The following RANBP17 variants were observed in gnomAD, a reference collection of about 807,000 sequenced individuals.
RANBP17 encodes the protein RAN binding protein 17.
A neutral mutation model predicts 141.2 loss-of-function variants in RANBP17; 158 were observed. The ratio of observed to expected loss-of-function variants is 1.12; its 90% CI spans 0.98 to 1.28. RANBP17 has a LOEUF of 1.28. Among genes scored for constraint, RANBP17 ranks in the 50% most tolerant of loss-of-function variants. The pLI, the probability that RANBP17 is intolerant of heterozygous loss-of-function variation, is 0.00. For synonymous variants in RANBP17, 430 were observed against 450.0 expected, an observed-to-expected ratio of 0.96 and a Z score of 0.56; for missense variants, 1,438 against 1,290.7, an observed-to-expected ratio of 1.11 and a Z score of -1.75.
At chr5:170,924,236 C>T in intron 11 of RANBP17, 121 bp from the exon 12 acceptor site, 2 of 625,190 alleles carry the variant, frequency 3.2e-6, no homozygotes, top group South Asian at 7.1e-5. Flanking sequence ...CCCAAGTGAA[C>T]CTCCTGCCTC....
At chr5:170,869,424 G>A (rs1241520031) in intron 1 of RANBP17, among the ~76,000 whole-genome samples, 1 of 151,430 alleles carries the variant, frequency 6.6e-6, no homozygotes, top group African/African-American at 2.4e-5. Context: ...TGAGTAGCTG[G>A]GATTACAGGC....
intron 14 of RANBP17, among the ~76,000 whole-genome samples, chr5:171,116,276 A>ATT (rs57099196): frequency 6.8e-6 from 1 of 147,840 alleles, no homozygotes; most frequent in African/African-American, 2.5e-5. Context: ...AGATACTGTG[A>ATT]TTTTTTTTTT....
At chr5:170,974,051 T>A (rs1027143283) in intron 14 of RANBP17, among the ~76,000 whole-genome samples, 1 of 152,202 alleles carries the variant, frequency 6.6e-6, no homozygotes, top group Non-Finnish European at 1.5e-5. Context: ...TGCATGTCCT[T>A]CTCATATGCA....
chr5:171,105,298 C>T (rs972300799), intron 14 of RANBP17, among the ~76,000 whole-genome samples: 8 of 138,220 alleles, frequency 5.8e-5, no homozygotes, highest in East Asian at 2.2e-4. Flanking sequence ...AGGAGAATGG[C>T]GTGAACCCGG....
intron 12 of RANBP17, among the ~76,000 whole-genome samples, chr5:170,933,251 T>G (rs191931096): frequency 1.3e-5 from 2 of 152,142 alleles, no homozygotes; most frequent in East Asian, 1.9e-4. Context: ...TGGGATCAGT[T>G]GTGATATCCC....
chr5:171,195,779 G>A lies in RANBP17; in HGVS notation c.2039-3891G>A, dbSNP rs138766079. Among the ~76,000 whole-genome samples the A allele has an allele frequency of 1.7e-3, 266 of 152,286 alleles. 1 individual carries two copies. Among genetic ancestry groups the A allele is most frequent in the African/African-American group, 5.6e-3 (234 of 41,572 alleles). On this transcript the variant is annotated intron_variant, in intron 18 of 27. Coordinates refer to ENST00000523189, the MANE Select transcript of RANBP17 (RefSeq NM_022897.5). ...TTACCAGCTGGAGGATGTTGGGCAG[G>A]CTATCTAATTCCTTTGAGTCTCTCT...
chr5:171,063,949 C>T (rs1312296082), intron 14 of RANBP17, among the ~76,000 whole-genome samples: 5 of 152,342 alleles, frequency 3.3e-5, no homozygotes, highest in Non-Finnish European at 5.9e-5. Context: ...ACTCCGTGGG[C>T]GTAGGACCCT....
At chr5:171,109,087 A>T (rs560994343) in intron 14 of RANBP17, among the ~76,000 whole-genome samples, 1 of 152,324 alleles carries the variant, frequency 6.6e-6, no homozygotes, top group Non-Finnish European at 1.5e-5. Flanking sequence ...GTGATAATGC[A>T]TGGCTGTGTG....
intron 14 of RANBP17, among the ~76,000 whole-genome samples, chr5:171,159,784 G>A (rs779775711): frequency 4.6e-5 from 7 of 151,864 alleles, no homozygotes; most frequent in South Asian, 2.1e-4. Flanking sequence ...TTAGCTGGGC[G>A]TGGTGGCAGT....
chr5:171,184,545 C>T (rs147480702), intron 18 of RANBP17, among the ~76,000 whole-genome samples: 319 of 152,068 alleles, frequency 2.1e-3, no homozygotes, highest in Non-Finnish European at 2.8e-3. Flanking sequence ...ATCTGTTGTA[C>T]GTAGATGGTG....
intron 12 of RANBP17, among the ~76,000 whole-genome samples, chr5:170,951,599 T>A (rs1270130447): frequency 6.6e-6 from 1 of 151,928 alleles, no homozygotes; most frequent in African/African-American, 2.4e-5. Context: ...GGCATGGGGG[T>A]AGGATGCAGA....
intron 14 of RANBP17, among the ~76,000 whole-genome samples, chr5:171,158,675 C>A (rs1315278573): frequency 6.6e-6 from 1 of 150,714 alleles, no homozygotes; most frequent in Non-Finnish European, 1.5e-5. Context: ...TTCTGTCTCT[C>A]AATTTTCATG....
chr5:171,265,888 C>A (rs773471732), intron 25 of RANBP17, 41 bp downstream of exon 25: 3 of 1,588,426 alleles, frequency 1.9e-6, no homozygotes, highest in Admixed American at 3.5e-5. Flanking sequence ...AACAAGTGTT[C>A]CCAGAAGCCA....
intron 14 of RANBP17, among the ~76,000 whole-genome samples, chr5:171,103,534 G>A (rs181458477): frequency 9.7e-4 from 147 of 152,254 alleles, no homozygotes; most frequent in African/African-American, 3.5e-3. Context: ...TAGCTTGCTA[G>A]GCTCCGTGGG....
At position 171,007,979 on chromosome 5, in the gene RANBP17, A is replaced by T. The variant is rs376964122; in HGVS notation, c.1710+39602A>T. Among the ~76,000 whole-genome samples the T allele has an allele frequency of 1.1e-4, 16 of 152,338 alleles. 1 individual carries two copies. The East Asian group carries it at 2.3e-3, about 22-fold the overall frequency. On this transcript the variant is annotated intron_variant, in intron 14 of 27. Transcript: ENST00000523189. ...ATGTGGGTGAGCAGCCAAAGCAGGCATCCCTGCAATTGACTTGCCACCAAG... is the reference window on the plus strand; with the variant it reads ...ATGTGGGTGAGCAGCCAAAGCAGGCTTCCCTGCAATTGACTTGCCACCAAG...
intron 14 of RANBP17, among the ~76,000 whole-genome samples, chr5:171,049,822 G>C (rs1782838477): frequency 6.6e-6 from 1 of 152,082 alleles, no homozygotes; most frequent in Non-Finnish European, 1.5e-5. Context: ...TGTTCCATTG[G>C]TGTATGTGTC....
At chr5:171,205,279 C>T (rs1762510257) in intron 19 of RANBP17, among the ~76,000 whole-genome samples, 1 of 152,012 alleles carries the variant, frequency 6.6e-6, no homozygotes, top group African/African-American at 2.4e-5. Flanking sequence ...TATATTAAGA[C>T]TCTAAATGCT....
At chr5:171,109,032 A>G (rs906111810) in intron 14 of RANBP17, among the ~76,000 whole-genome samples, 1 of 152,222 alleles carries the variant, frequency 6.6e-6, no homozygotes, top group Non-Finnish European at 1.5e-5. Context: ...TAACTCTATA[A>G]GAAATAAAAG....
At chr5:171,105,435 A>C (rs1754751317) in intron 14 of RANBP17, among the ~76,000 whole-genome samples, 1 of 149,738 alleles carries the variant, frequency 6.7e-6, no homozygotes, top group Non-Finnish European at 1.5e-5. Context: ...GGTGGCTCAC[A>C]CCTGTAATCC....
Sources: gnomAD v4.1 joint callset for allele counts (sites outside exome capture counted in the v4.1 genomes callset) on GRCh38, gnomAD v4.1.1 for gene constraint, MANE v1.5 for transcripts, NCBI Gene and HGNC (gene_info 2026-07-23, HGNC 2026-07-21) for gene names.